The following ADGRL3 variants were observed in gnomAD, a reference collection of about 807,000 sequenced individuals.
ADGRL3 encodes the protein calcium-independent alpha-latrotoxin receptor 3.
Under a neutral mutation model 153.5 loss-of-function variants are expected in ADGRL3, and 62 were observed. The observed-to-expected ratio is 0.40, with a 90% CI of 0.33 to 0.50. The LOEUF (loss-of-function observed/expected upper bound fraction) is 0.50. Among genes scored for constraint, ADGRL3 ranks in the 20% least tolerant of loss-of-function variants. ADGRL3 has a pLI of 0.47. For synonymous variants in ADGRL3, 710 were observed against 672.5 expected (o/e 1.06, Z -0.86); for missense variants, 1,641 against 1,859.4 (o/e 0.88, Z 2.16).
intron 4 of ADGRL3, among the ~76,000 whole-genome samples, chr4:61,553,441 A>G (rs916871908): frequency 6.6e-6 from 1 of 152,204 alleles, no homozygotes; most frequent in Admixed American, 6.5e-5. Context: ...TAATACAACT[A>G]TTAATTATTC....
chr4:61,440,795 A>C (rs1394884593), intron 2 of ADGRL3, among the ~76,000 whole-genome samples: 1 of 152,150 alleles, frequency 6.6e-6, no homozygotes, highest in African/African-American at 2.4e-5. Context: ...TCCTAGTAGT[A>C]ATGGTGGTAA....
chr4:62,017,193 G>A (rs2099216104), intron 21 of ADGRL3, among the ~76,000 whole-genome samples: 1 of 151,706 alleles, frequency 6.6e-6, no homozygotes, highest in African/African-American at 2.4e-5. Context: ...TATTTATTTT[G>A]GTATTTGATT....
At chr4:61,757,207 C>T (rs2096845345) in intron 8 of ADGRL3, among the ~76,000 whole-genome samples, 1 of 152,146 alleles carries the variant, frequency 6.6e-6, no homozygotes, top group Non-Finnish European at 1.5e-5. Flanking sequence ...ACCAGCTCCT[C>T]CTTGTTCCTC....
In ADGRL3 at chr4:61,747,316, C is replaced by A. The variant is rs551203097; in HGVS notation, c.1399+13762C>A. 8.7e-3 allele frequency among the ~76,000 whole-genome samples: 1,308 copies of A among 151,108 alleles called. 25 individuals carry two copies. Among genetic ancestry groups the A allele is most frequent in the African/African-American group, 0.03 (1,234 of 40,854 alleles). On this transcript the variant is annotated intron_variant, in intron 8 of 26. Coordinates refer to ENST00000683033, the MANE Select transcript of ADGRL3 (RefSeq NM_001387552.1). Reference sequence around the variant, plus strand: ...TGGTACCATTCCTTCTGAAACTATTCCAATCAATAGAAAAAGAGGGAATCC... The same window carrying A: ...TGGTACCATTCCTTCTGAAACTATTACAATCAATAGAAAAAGAGGGAATCC...
intron 1 of ADGRL3, among the ~76,000 whole-genome samples, chr4:61,205,462 T>A (rs1736675892): frequency 6.6e-6 from 1 of 152,212 alleles, no homozygotes; most frequent in Admixed American, 6.5e-5. Context: ...AATGGCTATT[T>A]TGCCTTCTCT....
chr4:61,729,699 C>A (rs947226356), intron 6 of ADGRL3, among the ~76,000 whole-genome samples: 2 of 151,754 alleles, frequency 1.3e-5, no homozygotes, highest in Non-Finnish European at 2.9e-5. Context: ...AGCAAATTGT[C>A]TCTGTGAAAC....
In ADGRL3 at chr4:61,392,216, T is replaced by C. The variant is rs1375351133; in HGVS notation, c.-174+9027T>C. ...TTCCTTCCATGATATTTTTGTCTTT[T>C]CTTTATGAGTTTTGTCTTGTTTCCT... On this transcript the variant is annotated intron_variant, in intron 2 of 26. Transcript: ENST00000683033. Among the ~76,000 whole-genome samples, 5 of 152,002 alleles carry C rather than the reference T, an allele frequency of 3.3e-5. No homozygotes were observed. In the East Asian group the frequency reaches 9.7e-4, roughly 29 times the overall value.
chr4:61,409,863 A>T (rs895625231), intron 2 of ADGRL3, among the ~76,000 whole-genome samples: 3 of 151,998 alleles, frequency 2.0e-5, no homozygotes, highest in Admixed American at 6.6e-5. Context: ...TGCATTTTTA[A>T]TTCAATTTTT....
In ADGRL3 at chr4:61,442,191, A is replaced by G. The variant is rs2097534961; in HGVS notation, c.-173-54930A>G. 2.6e-5 allele frequency among the ~76,000 whole-genome samples: 4 copies of G among 152,164 alleles called. No individual in the cohort carries two copies. In the South Asian group the frequency reaches 8.3e-4, roughly 32 times the overall value. ...AAAATATTTTGGAAATAGATAGTAGAGTTGGTTATTTTGTATGGAAGAGTT... is the reference window on the plus strand; with the variant it reads ...AAAATATTTTGGAAATAGATAGTAGGGTTGGTTATTTTGTATGGAAGAGTT... On this transcript the variant is annotated intron_variant, in intron 2 of 26. Transcript: ENST00000683033.
intron 3 of ADGRL3, among the ~76,000 whole-genome samples, chr4:61,499,029 G>A (rs913498478): frequency 1.3e-5 from 2 of 152,144 alleles, no homozygotes; most frequent in African/African-American, 2.4e-5. Flanking sequence ...GTAGCAAGCA[G>A]CTGAAATGAA....
At chr4:61,827,612 G>T (rs2097823014) in intron 9 of ADGRL3, among the ~76,000 whole-genome samples, 1 of 152,162 alleles carries the variant, frequency 6.6e-6, no homozygotes, top group African/African-American at 2.4e-5. Flanking sequence ...TTCATAAAAT[G>T]CTCTTGAGAG....
intron 6 of ADGRL3, among the ~76,000 whole-genome samples, chr4:61,707,443 C>T (rs748227515): frequency 7.9e-5 from 12 of 152,062 alleles, no homozygotes; most frequent in Non-Finnish European, 1.0e-4. Context: ...TGTGCTAATA[C>T]TCTGAAAGGT....
intron 9 of ADGRL3, among the ~76,000 whole-genome samples, chr4:61,835,378 C>A (rs1561328718): frequency 1.2e-5 from 1 of 84,340 alleles, no homozygotes; most frequent in Non-Finnish European, 2.1e-5. Context: ...AATGATTCAG[C>A]TGACTGAGAA....
intron 1 of ADGRL3, among the ~76,000 whole-genome samples, chr4:61,234,788 A>G (rs1752200613): frequency 6.6e-6 from 1 of 152,168 alleles, no homozygotes; most frequent in Non-Finnish European, 1.5e-5. Flanking sequence ...ATGATGACCG[A>G]ATGAGGGGTA....
At chr4:61,921,872 G>A (rs1206867184) in intron 13 of ADGRL3, among the ~76,000 whole-genome samples, 1 of 152,178 alleles carries the variant, frequency 6.6e-6, no homozygotes, top group Admixed American at 6.5e-5. Flanking sequence ...CAATAGGGTA[G>A]CATTCTGCCA....
intron 5 of ADGRL3, among the ~76,000 whole-genome samples, chr4:61,655,499 T>A (rs2094418821): frequency 1.3e-5 from 2 of 152,268 alleles, no homozygotes; most frequent in South Asian, 4.2e-4. Flanking sequence ...ATAAATTAAA[T>A]TAAAAGTAAA....
chr4:61,768,392 G>A lies in ADGRL3; in HGVS notation c.1399+34838G>A, dbSNP rs764898755. Among the ~76,000 whole-genome samples, 7 of 151,958 alleles carry A rather than the reference G, an allele frequency of 4.6e-5. No homozygotes were observed. The East Asian group carries it at 5.8e-4, about 13-fold the overall frequency. ...AAAAGGAAGATTAGAAAGACTCAGC[G>A]ACGCTTGGGGTCGGTACTGAGGGGA... On this transcript the variant is annotated intron_variant, in intron 8 of 26. Transcript: ENST00000683033.
chr4:61,729,940 C>A (rs2096411422), intron 6 of ADGRL3, among the ~76,000 whole-genome samples: 2 of 151,882 alleles, frequency 1.3e-5, no homozygotes, highest in African/African-American at 4.8e-5. Context: ...TTTTCTAAAC[C>A]TTCTGATAAT....
chr4:61,371,863 T>C (rs1052812277), intron 1 of ADGRL3, among the ~76,000 whole-genome samples: 1 of 152,198 alleles, frequency 6.6e-6, no homozygotes, highest in Non-Finnish European at 1.5e-5. Context: ...CACTTTCAGG[T>C]ACACCAAGCA....
Sources: gnomAD v4.1 joint callset for allele counts (sites outside exome capture counted in the v4.1 genomes callset) on GRCh38, gnomAD v4.1.1 for gene constraint, MANE v1.5 for transcripts, NCBI Gene and HGNC (gene_info 2026-07-23, HGNC 2026-07-21) for gene names.